The following CSMD1 variants were observed in gnomAD, a reference collection of about 807,000 sequenced individuals.
CSMD1 encodes the protein CUB and sushi domain-containing protein 1.
A neutral mutation model predicts 417.5 loss-of-function variants in CSMD1; 213 were observed. The observed-to-expected ratio is 0.51, with a 90% CI of 0.46 to 0.57. The LOEUF is 0.57. Among genes scored for constraint, CSMD1 ranks in the 20% least tolerant of loss-of-function variants. CSMD1 has a pLI of 0.00. For missense variants in CSMD1, 6,923 were observed against 4,529.7 expected (o/e 1.53, Z -15.17); for synonymous variants, 2,862 against 1,736.8 (o/e 1.65, Z -16.11).
chr8:3,043,822 T>C lies in CSMD1; in HGVS notation c.7660+8640A>G, dbSNP rs115845937. On this transcript the variant is annotated intron_variant, in intron 50 of 69. Transcript: ENST00000635120. ...ATAAGGCAAACAGTGACAAGAGGTA[T>C]GGACAGGCACTACCAAAAAAATGCA... is the stretch of plus-strand genomic sequence containing the variant. 4.3e-3 allele frequency: 651 copies of C among 152,572 alleles called. 9 individuals carry two copies. The highest frequency in any genetic ancestry group is 0.015 in the African/African-American group (612 of 41,578). The allele number at this position is 152,572 out of a possible 1,614,324, so 9.5% of individuals were successfully genotyped here.
intron 2 of CSMD1, among the ~76,000 whole-genome samples, chr8:4,463,181 T>C (rs1272369334): frequency 2.0e-5 from 3 of 152,144 alleles, no homozygotes; most frequent in Non-Finnish European, 4.4e-5. Context: ...GAAGCCCGTA[T>C]AAAAATTCTC....
At chr8:4,121,081 GTATTTTTATTT>G (rs1802460699) in intron 3 of CSMD1, among the ~76,000 whole-genome samples, 1 of 151,622 alleles carries the variant, frequency 6.6e-6, no homozygotes, top group Non-Finnish European at 1.5e-5. Context: ...GTTTGTCAAG[GTATTTTTATTT>G]TATTTTTTAT....
intron 10 of CSMD1, among the ~76,000 whole-genome samples, chr8:3,557,038 T>A (rs1257532396): frequency 1.3e-5 from 2 of 152,140 alleles, no homozygotes; most frequent in Admixed American, 1.3e-4. Flanking sequence ...AACTGCAGGG[T>A]AATGGCACTG....
At chr8:4,656,856 G>A (rs1240710000) in intron 1 of CSMD1, among the ~76,000 whole-genome samples, 1 of 152,024 alleles carries the variant, frequency 6.6e-6, no homozygotes, top group Non-Finnish European at 1.5e-5. Context: ...AATGTGCAGA[G>A]ACCACCAAAT....
At chr8:3,970,287 A>C (rs1422627446) in intron 5 of CSMD1, among the ~76,000 whole-genome samples, 1 of 152,188 alleles carries the variant, frequency 6.6e-6, no homozygotes, top group African/African-American at 2.4e-5. Context: ...CCTTTGAAAC[A>C]GTCTTTCTAA....
intron 1 of CSMD1, among the ~76,000 whole-genome samples, chr8:4,771,713 A>C (rs1048942327): frequency 2.6e-5 from 4 of 152,204 alleles, no homozygotes; most frequent in African/African-American, 9.6e-5. Flanking sequence ...CCAGCATGTC[A>C]GGCTAGCGGA....
At chr8:4,153,312 C>T (rs1796667120) in intron 3 of CSMD1, among the ~76,000 whole-genome samples, 1 of 152,216 alleles carries the variant, frequency 6.6e-6, no homozygotes, top group African/African-American at 2.4e-5. Flanking sequence ...GGGCTCTTCT[C>T]ACTTCCGACA....
chr8:3,649,290 G>GA (rs1250399808), intron 7 of CSMD1, among the ~76,000 whole-genome samples: 1 of 152,062 alleles, frequency 6.6e-6, no homozygotes, highest in Non-Finnish European at 1.5e-5. Context: ...TGAGAACCAA[G>GA]AAAAAAACAT....
intron 1 of CSMD1, among the ~76,000 whole-genome samples, chr8:4,839,486 ACT>A (rs1429419216): frequency 1.3e-5 from 2 of 152,138 alleles, no homozygotes. Flanking sequence ...AAAAATCCTA[ACT>A]CAGCTAACAA....
In CSMD1 at chr8:4,583,149, A is replaced by G. The variant is rs974241380; in HGVS notation, c.302+54193T>C. Reference sequence around the variant, plus strand: ...CTCCTGTGCGGCCCAAGCCTCCCCAACGAGCACCATCCTCTGCTCCACGGC... The same window carrying G: ...CTCCTGTGCGGCCCAAGCCTCCCCAGCGAGCACCATCCTCTGCTCCACGGC... On this transcript the variant is annotated intron_variant, in intron 2 of 69. Coordinates refer to ENST00000635120, the MANE Select transcript of CSMD1 (RefSeq NM_033225.6). 1.1e-4 allele frequency among the ~76,000 whole-genome samples: 16 copies of G among 152,222 alleles called. 1 individual carries two copies. The South Asian group carries it at 1.9e-3, about 18-fold the overall frequency.
Position 3,918,874 on chromosome 8 carries a change from TG to T in CSMD1, c.818+79028del, listed in dbSNP as rs535314328. On this transcript the variant is annotated intron_variant, in intron 5 of 69. Transcript: ENST00000635120. Reference sequence around the variant, plus strand: ...TGACACAATGGACTTTGGGGACTTGTGGGGAAAGAATAGGAAGGGGGTGAAG... The same window carrying T: ...TGACACAATGGACTTTGGGGACTTGTGGGAAAGAATAGGAAGGGGGTGAAG... Among the ~76,000 whole-genome samples, 22 of 151,938 alleles carry T rather than the reference TG, an allele frequency of 1.4e-4. No individual in the cohort carries two copies. The East Asian group carries it at 4.1e-3, about 28-fold the overall frequency.
chr8:4,351,504 A>C (rs1434631184), intron 3 of CSMD1, among the ~76,000 whole-genome samples: 2 of 152,220 alleles, frequency 1.3e-5, no homozygotes, highest in Non-Finnish European at 2.9e-5. Flanking sequence ...TTAGGAAGAA[A>C]ATTGACAGAA....
chr8:4,161,306 GA>G (rs2131096705), intron 3 of CSMD1, among the ~76,000 whole-genome samples: 1 of 152,284 alleles, frequency 6.6e-6, no homozygotes, highest in African/African-American at 2.4e-5. Context: ...TAATTGATAA[GA>G]AACAGTAAGT....
At chr8:3,703,756 C>G (rs1248285848) in intron 7 of CSMD1, among the ~76,000 whole-genome samples, 2 of 152,082 alleles carry the variant, frequency 1.3e-5, no homozygotes, top group African/African-American at 4.8e-5. Flanking sequence ...AATCTATGGC[C>G]AGCTATTACA....
chr8:3,415,865 T>A (rs1395986308), intron 12 of CSMD1, among the ~76,000 whole-genome samples: 1 of 152,172 alleles, frequency 6.6e-6, no homozygotes, highest in Admixed American at 6.6e-5. Flanking sequence ...TAGAAACATA[T>A]CCCCAAGTTT....
intron 10 of CSMD1, among the ~76,000 whole-genome samples, chr8:3,557,771 G>T (rs1465702306): frequency 1.3e-5 from 2 of 152,126 alleles, no homozygotes; most frequent in Non-Finnish European, 2.9e-5. Flanking sequence ...ACAGGTTTTG[G>T]TTTGCCTAGG....
intron 54 of CSMD1, among the ~76,000 whole-genome samples, chr8:2,986,495 C>T (rs1406788661): frequency 1.3e-5 from 2 of 151,970 alleles, no homozygotes; most frequent in Non-Finnish European, 2.9e-5. Flanking sequence ...ATATTTTCCC[C>T]AGTTCATTTA....
chr8:4,436,275 C>A (rs368324403), intron 2 of CSMD1, among the ~76,000 whole-genome samples: 3 of 152,064 alleles, frequency 2.0e-5, no homozygotes, highest in East Asian at 3.9e-4. Flanking sequence ...TAATACCCAC[C>A]TTGTATTGTG....
At chr8:4,245,314 T>G (rs1280727512) in intron 3 of CSMD1, among the ~76,000 whole-genome samples, 1 of 152,172 alleles carries the variant, frequency 6.6e-6, no homozygotes, top group Admixed American at 6.5e-5. Context: ...TAAAAGTATG[T>G]ACTTGGGCTT....
Sources: allele counts gnomAD v4.1 joint callset (sites outside exome capture counted in the v4.1 genomes callset), GRCh38; gene constraint gnomAD v4.1.1; transcripts MANE v1.5; gene names NCBI Gene and HGNC (gene_info 2026-07-23, HGNC 2026-07-21).